Variants in BBS2 observed in about 807,000 individuals in gnomAD.
BBS2 encodes the protein BBSome complex member BBS2.
Under a neutral mutation model 83.0 loss-of-function variants are expected in BBS2, and 62 were observed. That is an observed-to-expected ratio of 0.75 (90% CI 0.61 to 0.92). The LOEUF (loss-of-function observed/expected upper bound fraction) is 0.92. BBS2 is among the 40% of genes least tolerant of loss of function. The pLI is 0.00. For synonymous variants in BBS2, 303 were observed against 326.1 expected, an observed-to-expected ratio of 0.93 and a Z score of 0.76; for missense variants, 784 against 901.0, an observed-to-expected ratio of 0.87 and a Z score of 1.66.
rs1281494834 is a variant in BBS2, at chr16:56,509,502, A to AAAAC, written c.612+451_612+454dup. On this transcript the variant is annotated intron_variant, in intron 5 of 16. Transcript: ENST00000245157. Reference sequence around the variant, plus strand: ...GGGTGATGGAGTAAAACTCTGCCTCAAAACAAACAAACAAACAAACAAAAA... The same window carrying AAAAC: ...GGGTGATGGAGTAAAACTCTGCCTCAAAACAAACAAACAAACAAACAAACAAAAA... 5.3e-5 allele frequency: 10 copies of AAAAC among 188,732 alleles called. 1 individual carries two copies. Among genetic ancestry groups the AAAAC allele is most frequent in the South Asian group, 9.4e-5 (1 of 10,658 alleles). 11.7% of individuals were successfully genotyped at this position (188,732 alleles called of 1,614,324 possible).
At chr16:56,507,125 C>T (rs1164537968) in intron 5 of BBS2, among the ~76,000 whole-genome samples, 1 of 152,186 alleles carries the variant, frequency 6.6e-6, no homozygotes, top group South Asian at 2.1e-4. Flanking sequence ...TCTGACAATA[C>T]TTCATACTGT....
At chr16:56,498,882 CA>C in intron 12 of BBS2, 1 of 445,838 alleles carries the variant, frequency 2.2e-6, no homozygotes, top group South Asian at 2.1e-5. Flanking sequence ...ATGCAATGTA[CA>C]AATGATTCAG....
At chr16:56,508,791 G>A (rs570030957) in intron 5 of BBS2, among the ~76,000 whole-genome samples, 8 of 152,010 alleles carry the variant, frequency 5.3e-5, no homozygotes, top group South Asian at 4.2e-4. Flanking sequence ...GACTACAGAC[G>A]TGTGCCATCA....
chr16:56,489,831 T>G (rs1307574934), intron 15 of BBS2, among the ~76,000 whole-genome samples: 1 of 150,528 alleles, frequency 6.6e-6, no homozygotes, highest in Non-Finnish European at 1.5e-5. Context: ...AGTATTAAAA[T>G]AATGCAATGT....
At chr16:56,476,743 T>C (rs1437218429) in intron 17 of BBS2, 3 of 152,554 alleles carry the variant, frequency 2.0e-5, no homozygotes, top group African/African-American at 7.2e-5. Context: ...AGTGGAATCA[T>C]ACAGTATTTG....
At chr16:56,511,043 CCT>C in intron 3 of BBS2, 114 bp downstream of exon 3, 1 of 1,567,050 alleles carries the variant, frequency 6.4e-7, no homozygotes, top group East Asian at 2.2e-5. Context: ...TTATTCATAT[CCT>C]TTTTTAATGC....
At chr16:56,475,654 G>T in intron 17 of BBS2, 1 of 1,043,458 alleles carries the variant, frequency 9.6e-7, no homozygotes, top group South Asian at 1.3e-5. Context: ...CCTTCTACCA[G>T]TGTCTTTAGC....
chr16:56,501,468 A>G lies in BBS2; in HGVS notation c.1110T>C (p.Ala370=), dbSNP rs148990271. ...KAELASPLNE[A]DGHRGIIPAN... ...CTGGGATTATGCCCCGATGCCCATC[A>G]GCCTCGTTCAGTGGACTGGCCAATT... is the stretch of plus-strand genomic sequence containing the variant. The change falls in exon 10 of 17, where the codon GCT becomes GCC. Residue 370 remains alanine, a synonymous_variant. Coordinates refer to ENST00000245157, the MANE Select transcript of BBS2 (RefSeq NM_031885.5). 7.2e-4 allele frequency: 1,165 copies of G among 1,614,172 alleles called. 7 individuals carry two copies. The African/African-American group carries it at 0.013, about 18-fold the overall frequency.
intron 5 of BBS2, 50 bp downstream of exon 5, chr16:56,509,907 A>G: frequency 6.3e-7 from 1 of 1,576,760 alleles, no homozygotes. Flanking sequence ...ATCTGACAGT[A>G]CTGATCTATC....
chr16:56,491,839 G>A (rs958514404), intron 15 of BBS2, among the ~76,000 whole-genome samples: 1 of 150,244 alleles, frequency 6.7e-6, no homozygotes, highest in Non-Finnish European at 1.5e-5. Flanking sequence ...ATAAAAAGAC[G>A]CCCAATGCCA....
chr16:56,493,123 A>ACATCTGTAATCC (rs1964007918), intron 15 of BBS2, among the ~76,000 whole-genome samples: 1 of 152,160 alleles, frequency 6.6e-6, no homozygotes, highest in Non-Finnish European at 1.5e-5. Flanking sequence ...ACAGTGGCTC[A>ACATCTGTAATCC]CATCTGTAAT....
Position 56,485,748 on chromosome 16 carries a change from T to A in BBS2, c.1911-10A>T, listed in dbSNP as rs747869137. 1.9e-6 allele frequency: 3 copies of A among 1,613,720 alleles called. No homozygotes were observed. Among genetic ancestry groups the A allele is most frequent in the East Asian group, 4.5e-5 (2 of 44,856 alleles). ...ACTCTTCATTGTTTTCCTGTGCAAA[T>A]CAGTAGAAATTTGACATCATTTCAT... On this transcript the variant is annotated splice_polypyrimidine_tract_variant and intron_variant, in intron 15 of 16. Transcript: ENST00000245157.
intron 17 of BBS2, among the ~76,000 whole-genome samples, chr16:56,471,259 G>A (rs1963168198): frequency 1.3e-5 from 2 of 151,906 alleles, no homozygotes; most frequent in South Asian, 4.2e-4. Context: ...CTACTCAGGA[G>A]GCTGAGGTGG....
chr16:56,470,718 G>A, intron 17 of BBS2: 2 of 1,613,994 alleles, frequency 1.2e-6, no homozygotes, highest in Middle Eastern at 1.6e-4. Context: ...ATAATCAGAT[G>A]GCCATCAGCA....
chr16:56,502,755 A>C lies in BBS2; in HGVS notation c.858T>G (p.Ser286=), dbSNP rs1357499823. 2 of 1,614,104 alleles carry C rather than the reference A, an allele frequency of 1.2e-6. No homozygotes were observed. Among genetic ancestry groups the C allele is most frequent in the African/African-American group, 2.7e-5 (2 of 74,944 alleles). The part of the protein sequence containing the change: ...TGEVIFKDNF[S]SAIAGVVEGD... ...CCTCTACCACACCGGCAATTGCAGA[A>C]GAAAAATTGTCCTTAAAGATGACCT... Residue 286 remains serine, a synonymous_variant, in exon 8 of 17, where the codon TCT becomes TCG. Coordinates refer to ENST00000245157, the MANE Select transcript of BBS2 (RefSeq NM_031885.5).
downstream of BBS2, among the ~76,000 whole-genome samples, chr16:56,482,534 T>A (rs1438869062): frequency 6.6e-6 from 1 of 152,120 alleles, no homozygotes; most frequent in East Asian, 1.9e-4. Context: ...CTTGAGTTTA[T>A]AGGTTGAAAA....
In BBS2 at chr16:56,497,840, A is replaced by G. The variant is rs756945477; in HGVS notation, c.1700T>C (p.Ile567Thr). The G allele has an allele frequency of 9.3e-6, 15 of 1,612,550 alleles. No individual in the cohort carries two copies. The South Asian group carries it at 1.3e-4, about 14-fold the overall frequency. ...AAAAAATGATGCCATTGACTGGATG[A>G]TATCACCAGCCAAATCAATATCATC... ...NTDDIDLAGD[I>T]IQSMASFFAI... is the part of the protein sequence containing the mutation. The change falls in exon 14 of 17, where the codon ATC (isoleucine) becomes ACC (threonine). Residue 567 changes from isoleucine to threonine, a missense_variant. Ile to Thr is a moderately conservative substitution (Grantham distance 89). Transcript: ENST00000245157.
chr16:56,511,375 T>C (rs1964572237), intron 2 of BBS2, 91 bp from the exon 3 acceptor site: 1 of 1,554,776 alleles, frequency 6.4e-7, no homozygotes, highest in East Asian at 2.2e-5. Flanking sequence ...ACTGAGCAGA[T>C]TTTGAGTAAA....
At chr16:56,470,858 C>A in intron 17 of BBS2, 1 of 1,416,854 alleles carries the variant, frequency 7.1e-7, no homozygotes, top group South Asian at 1.5e-5. Flanking sequence ...TGTATTCATT[C>A]AACAAACATT....
Sources: allele counts gnomAD v4.1 joint callset (sites outside exome capture counted in the v4.1 genomes callset), GRCh38; gene constraint gnomAD v4.1.1; transcripts MANE v1.5; gene names NCBI Gene and HGNC (gene_info 2026-07-23, HGNC 2026-07-21).